The following HNRNPM variants were observed in gnomAD, a reference collection of about 807,000 sequenced individuals.
HNRNPM encodes heterogeneous nuclear ribonucleoprotein M, also known as CEA receptor.
A neutral mutation model predicts 73.1 loss-of-function variants in HNRNPM; 11 were observed. The observed-to-expected ratio is 0.15, with a 90% confidence interval of 0.09 to 0.25. HNRNPM has a LOEUF of 0.25. Ranked by LOEUF, HNRNPM falls within the 10% of genes least tolerant of loss-of-function variation. The probability of loss-of-function intolerance (pLI) is 1.00; values close to 1 mark genes in which losing one functional copy is unlikely to be tolerated. For missense variants in HNRNPM, 789 were observed against 1,067.9 expected, an observed-to-expected ratio of 0.74 and a Z score of 3.64; for synonymous variants, 407 against 355.2, an observed-to-expected ratio of 1.15 and a Z score of -1.64.
rs940191468 is a variant in HNRNPM at position 8,445,125 on chromosome 19, G to A, written c.113+14G>A. On this transcript the variant is annotated intron_variant, in intron 1 of 15. Coordinates refer to ENST00000325495, the MANE Select transcript of HNRNPM (RefSeq NM_005968.5). ...GGGCCCTAAGGGGTGAGTATCCCAC[G>A]GTCCTTTGCCACGGGTAAGGGTTCC... The A allele has an allele frequency of 7.2e-7, 1 of 1,388,828 alleles. No homozygotes were observed. The highest frequency in any genetic ancestry group is 9.4e-7 in the Non-Finnish European group (1 of 1,068,238). The allele number at this position is 1,388,828 out of a possible 1,614,324, so 86.0% of individuals were successfully genotyped here. A position where few individuals can be genotyped will look rare whatever the true frequency, so the allele number is the denominator to read the frequency against.
chr19:8,472,868 C>T (rs1250386251), intron 10 of HNRNPM, among the ~76,000 whole-genome samples: 1 of 152,218 alleles, frequency 6.6e-6, no homozygotes, highest in African/African-American at 2.4e-5. Flanking sequence ...AGGCGTGAGT[C>T]ACCACGCCCA....
chr19:8,469,784 G>A lies in HNRNPM; in HGVS notation c.895+950G>A, dbSNP rs1970004364. The stretch of plus-strand genomic sequence containing the variant: ...GCTGTGCTGGGGTGACCTCCACCAG[G>A]CGGGTTGAGGGGGCCTGGTCTGGAG... On this transcript the variant is annotated intron_variant, in intron 9 of 15. Transcript: ENST00000325495. 3.9e-5 allele frequency among the ~76,000 whole-genome samples: 6 copies of A among 152,346 alleles called. No individual in the cohort carries two copies. The South Asian group carries it at 1.0e-3, about 26-fold the overall frequency.
chr19:8,454,295 A>G (rs1353905571), intron 1 of HNRNPM, among the ~76,000 whole-genome samples: 1 of 152,166 alleles, frequency 6.6e-6, no homozygotes, highest in Non-Finnish European at 1.5e-5. Flanking sequence ...GGATTTGCTT[A>G]TTATAGGTAT....
intron 8 of HNRNPM, among the ~76,000 whole-genome samples, chr19:8,468,053 A>G (rs1027022085): frequency 6.6e-6 from 1 of 151,602 alleles, no homozygotes; most frequent in African/African-American, 2.4e-5. Flanking sequence ...AAAAAAAAAC[A>G]TTTTGCTCAT....
At position 8,451,765 on chromosome 19, in the gene HNRNPM, C is replaced by G. The variant is rs34248882; in HGVS notation, c.114-3640C>G. 5.3e-3 allele frequency among the ~76,000 whole-genome samples: 807 copies of G among 152,234 alleles called. 6 individuals carry two copies. Among genetic ancestry groups the G allele is most frequent in the South Asian group, 0.011 (55 of 4,814 alleles). The stretch of plus-strand genomic sequence containing the variant: ...AGGCTGGTCTCAAGACTCCTGGATT[C>G]AAGCACTCAGCTCACCTCAGCCTCC... On this transcript the variant is annotated intron_variant, in intron 1 of 15. Transcript: ENST00000325495.
At chr19:8,465,185 A>G in intron 5 of HNRNPM, 139 bp from the exon 6 acceptor site, 1 of 679,362 alleles carries the variant, frequency 1.5e-6, no homozygotes, top group South Asian at 2.2e-5. Flanking sequence ...AGTTCATTTG[A>G]CTTTCTTGTT....
chr19:8,468,174 A>G (rs1221282997), intron 8 of HNRNPM, among the ~76,000 whole-genome samples: 1 of 152,230 alleles, frequency 6.6e-6, no homozygotes, highest in African/African-American at 2.4e-5. Context: ...GTTTCAAAGA[A>G]TGGTTATATA....
At chr19:8,474,488 A>G (rs1970368170) in intron 12 of HNRNPM, among the ~76,000 whole-genome samples, 1 of 152,174 alleles carries the variant, frequency 6.6e-6, no homozygotes, top group Admixed American at 6.5e-5. Flanking sequence ...TTTCGAGTAC[A>G]GTGTTAAAAA....
chr19:8,452,417 A>C (rs935276280), intron 1 of HNRNPM, among the ~76,000 whole-genome samples: 1 of 152,198 alleles, frequency 6.6e-6, no homozygotes, highest in Non-Finnish European at 1.5e-5. Flanking sequence ...GATTTTTTCT[A>C]ACACAGTCGT....
rs1369933797 is a variant in HNRNPM, at chr19:8,462,120, C to T, written c.284-409C>T. Reference sequence around the variant, plus strand: ...GTATTTATAGCATGTGAGCTCAGCCCGATGGCATCGCAATTTGTATGCATT... The same window carrying T: ...GTATTTATAGCATGTGAGCTCAGCCTGATGGCATCGCAATTTGTATGCATT... On this transcript the variant is annotated intron_variant, in intron 2 of 15. Coordinates refer to ENST00000325495, the MANE Select transcript of HNRNPM (RefSeq NM_005968.5). This position sits in a 1 kb window ranked among gnomAD's most constrained non-coding sequence, Gnocchi z 4.5. 3 of 196,430 alleles carry T rather than the reference C, an allele frequency of 1.5e-5. No homozygotes were observed. Among genetic ancestry groups the T allele is most frequent in the Non-Finnish European group, 3.2e-5 (3 of 93,484 alleles). The allele number at this position is 196,430 out of a possible 1,614,324, so 12.2% of individuals were successfully genotyped here.
intron 12 of HNRNPM, among the ~76,000 whole-genome samples, chr19:8,475,736 A>T (rs1970455073): frequency 6.6e-6 from 1 of 152,108 alleles, no homozygotes; most frequent in Admixed American, 6.6e-5. Flanking sequence ...TTAATTTTTA[A>T]AAAAAGTTTC....
Position 8,465,584 on chromosome 19 carries a change from A to T in HNRNPM, c.630+69A>T, listed in dbSNP as rs752641120. 6 of 985,592 alleles carry T rather than the reference A, an allele frequency of 6.1e-6. No homozygotes were observed. The East Asian group carries it at 1.3e-4, about 22-fold the overall frequency. The allele number at this position is 985,592 out of a possible 1,614,324, so 61.1% of individuals were successfully genotyped here. On this transcript the variant is annotated intron_variant, in intron 6 of 15. Coordinates refer to ENST00000325495, the MANE Select transcript of HNRNPM (RefSeq NM_005968.5). ...TATGAAATGACCTTGTCAATATGTT[A>T]TAAAAGTAATTCTCACATTTGAGAA... is the stretch of plus-strand genomic sequence containing the variant.
intron 5 of HNRNPM, 77 bp downstream of exon 5, chr19:8,463,763 C>A: frequency 3.0e-6 from 3 of 996,628 alleles, no homozygotes; most frequent in South Asian, 1.4e-5. Flanking sequence ...GAAAGACGGT[C>A]ATGGTCCCAG....
chr19:8,467,463 TTTTC>T (rs1462288716), intron 7 of HNRNPM, 68 bp from the exon 8 acceptor site: 15 of 1,125,256 alleles, frequency 1.3e-5, no homozygotes, highest in African/African-American at 3.1e-5. Flanking sequence ...GTTGGAGTAT[TTTTC>T]TTTCTTTTTG....
chr19:8,463,825 G>C, intron 5 of HNRNPM, 139 bp downstream of exon 5: 2 of 629,338 alleles, frequency 3.2e-6, no homozygotes, highest in Non-Finnish European at 5.6e-6. Context: ...AAGAGTGTCG[G>C]TCATAGCCTA....
chr19:8,476,843 G>A (rs1970540945), intron 12 of HNRNPM, among the ~76,000 whole-genome samples: 1 of 152,100 alleles, frequency 6.6e-6, no homozygotes, highest in Admixed American at 6.5e-5. Context: ...ATGCCGCTGC[G>A]GGGCTGCAGG....
intron 15 of HNRNPM, 48 bp downstream of exon 15, chr19:8,487,123 T>A (rs1210244736): frequency 6.6e-7 from 1 of 1,524,856 alleles, no homozygotes; most frequent in East Asian, 2.2e-5. Flanking sequence ...TGCTTGTTGG[T>A]GACGCAGCCG....
chr19:8,482,802 G>T (rs777173030), intron 12 of HNRNPM: 9 of 190,254 alleles, frequency 4.7e-5, no homozygotes, highest in Middle Eastern at 1.6e-3. Context: ...AGTCCTGAGA[G>T]CCTGGACCAG....
chr19:8,480,535 T>TGCATGCTGTA (rs1970840670), intron 12 of HNRNPM, among the ~76,000 whole-genome samples: 2 of 151,322 alleles, frequency 1.3e-5, no homozygotes, highest in African/African-American at 4.9e-5. Context: ...GGCGTGGTGG[T>TGCATGCTGTA]GCATGCTGTA....
Sources: gnomAD v4.1 joint callset for allele counts (sites outside exome capture counted in the v4.1 genomes callset) on GRCh38, gnomAD v4.1.1 for gene constraint, Gnocchi (gnomAD v3.1) non-coding constraint, MANE v1.5 for transcripts, NCBI Gene and HGNC (gene_info 2026-07-23, HGNC 2026-07-21) for gene names.